The following CHFR variants were observed in gnomAD, a reference collection of about 807,000 sequenced individuals.
CHFR encodes E3 ubiquitin-protein ligase CHFR.
Under a neutral mutation model 87.6 loss-of-function variants are expected in CHFR, and 57 were observed. The ratio of observed to expected loss-of-function variants is 0.65; its 90% CI spans 0.53 to 0.81. The LOEUF is 0.81. Ranked by LOEUF, CHFR falls within the 30% of genes least tolerant of loss-of-function variation. CHFR has a pLI of 0.00. For missense variants in CHFR, 797 were observed against 865.8 expected (o/e 0.92, Z 1.00); for synonymous variants, 381 against 359.2 (o/e 1.06, Z -0.69).
At chr12:132,843,357 G>A (rs967957199) in intron 16 of CHFR, among the ~76,000 whole-genome samples, 1 of 151,658 alleles carries the variant, frequency 6.6e-6, no homozygotes, top group African/African-American at 2.4e-5. Context: ...ACCTGGGAGA[G>A]GGAAGTTGCA....
At chr12:132,842,654 C>T (rs1269620542) in intron 17 of CHFR, among the ~76,000 whole-genome samples, 1 of 152,238 alleles carries the variant, frequency 6.6e-6, no homozygotes, top group South Asian at 2.1e-4. Context: ...TCACAAATGC[C>T]TGCTCACGGG....
chr12:132,879,349 T>C (rs1394018953), intron 2 of CHFR, among the ~76,000 whole-genome samples: 2 of 151,538 alleles, frequency 1.3e-5, no homozygotes, highest in East Asian at 2.0e-4. Flanking sequence ...CAGGGATGCA[T>C]CTATAGCTGA....
chr12:132,859,123 T>A lies in CHFR; in HGVS notation c.856A>T (p.Met286Leu), dbSNP rs767348322. The change falls in exon 8 of 18, where the codon ATG becomes TTG. Residue 286 changes from methionine (M) to leucine (L), a missense_variant. By Grantham distance (15) the Met-to-Leu change is conservative. This residue lies in a region of CHFR where 597 missense variants were observed against 601.2 expected (regional missense o/e 0.99). Transcript: ENST00000450056. Reference protein sequence around the residue: ...VRAAAGKPDKMEETLTCIICQ... With the variant: ...VRAAAGKPDKLEETLTCIICQ... ...ATGATGCATGTCAGCGTCTCCTCCA[T>A]CTTGTCTGGCTTCCCAGCCGCTGCT... is the stretch of plus-strand genomic sequence containing the variant. 3.7e-6 allele frequency: 6 copies of A among 1,614,116 alleles called. No individual in the cohort carries two copies. The highest frequency in any genetic ancestry group is 5.1e-6 in the Non-Finnish European group (6 of 1,180,006).
Position 132,851,630 on chromosome 12 carries a change from C to A in CHFR, c.1480G>T (p.Ala494Ser). Residue 494 changes from alanine (A) to serine (S), a missense_variant, in exon 12 of 18, where the codon GCC becomes TCC. By Grantham distance (99) the Ala-to-Ser change is moderately conservative. Coordinates refer to ENST00000450056, the MANE Select transcript of CHFR (RefSeq NM_001161346.2). ...CGCGGGCACTCACACTGCTGAGGGG[C>A]GACACGCGGGTCCTGCTCGCGCTCC... ...RAEREQDPRVAPQQCAVCLQP... is the reference protein window; with the variant it reads ...RAEREQDPRVSPQQCAVCLQP... The A allele has an allele frequency of 6.2e-7, 1 of 1,611,156 alleles. No homozygotes were observed. Among genetic ancestry groups the A allele is most frequent in the Non-Finnish European group, 8.5e-7 (1 of 1,179,202 alleles).
chr12:132,844,588 AT>A (rs1240810257), intron 15 of CHFR, among the ~76,000 whole-genome samples: 1 of 151,086 alleles, frequency 6.6e-6, no homozygotes, highest in Non-Finnish European at 1.5e-5. Context: ...CCGGCCACCA[AT>A]TTATTTTCTT....
At chr12:132,848,403 G>T (rs932367268) in intron 13 of CHFR, 7 of 739,576 alleles carry the variant, frequency 9.5e-6, no homozygotes, top group South Asian at 1.7e-5. Flanking sequence ...GCAGAACCCC[G>T]CTGCAAGGAT....
chr12:132,859,037 T>C (rs1951152145), intron 8 of CHFR, 31 bp downstream of exon 8: 1 of 1,598,940 alleles, frequency 6.3e-7, no homozygotes, highest in Non-Finnish European at 8.5e-7. Flanking sequence ...CAGTGCCATG[T>C]TCCGTGAGCC....
chr12:132,835,581 G>C lies in CHFR; in HGVS notation c.*5973C>G, dbSNP rs1325326383. On this transcript the variant is annotated 3_prime_UTR_variant, in exon 18 of 18. Transcript: ENST00000450056. ...CAAACACGCATGAAGAGAAGATGAC[G>C]TGAGAACTCAAGGAGATGCTGCCCA... The C allele has an allele frequency of 1.7e-5, 3 of 175,782 alleles. No individual in the cohort carries two copies. Among genetic ancestry groups the C allele is most frequent in the Non-Finnish European group, 3.7e-5 (3 of 81,900 alleles). 10.9% of individuals were successfully genotyped at this position (175,782 alleles called of 1,614,324 possible). A position where few individuals can be genotyped will look rare whatever the true frequency, so the allele number is the denominator to read the frequency against.
intron 12 of CHFR, chr12:132,849,337 A>C (rs2136936427): frequency 1.3e-5 from 2 of 148,490 alleles, no homozygotes; most frequent in Middle Eastern, 3.5e-3. Context: ...TAAACTGAAC[A>C]TTTACAGGCG....
chr12:132,858,372 A>C (rs1951131757), intron 8 of CHFR, among the ~76,000 whole-genome samples: 1 of 151,566 alleles, frequency 6.6e-6, no homozygotes, highest in African/African-American at 2.4e-5. Flanking sequence ...AAAAACAAAA[A>C]CAAAAACAAA....
rs1176359734 is a variant in CHFR at position 132,851,754 on chromosome 12, T to C, written c.1373-17A>G. On this transcript the variant is annotated splice_polypyrimidine_tract_variant and intron_variant, in intron 11 of 17. Coordinates refer to ENST00000450056, the MANE Select transcript of CHFR (RefSeq NM_001161346.2). ...CCTGGACTGCTGAAGCACACGCACA[T>C]TCAGCCGGAGCACGTGGGACCCAGG... The C allele has an allele frequency of 1.2e-6, 2 of 1,604,444 alleles. No homozygotes were observed. Among genetic ancestry groups the C allele is most frequent in the Admixed American group, 3.4e-5 (2 of 59,574 alleles).
chr12:132,874,585 G>C (rs1186003574), intron 3 of CHFR, among the ~76,000 whole-genome samples: 1 of 135,240 alleles, frequency 7.4e-6, no homozygotes, highest in Non-Finnish European at 1.6e-5. Flanking sequence ...CACCCAGCGT[G>C]GGAAAGCCAG....
At chr12:132,858,725 T>TTA (rs1477608094) in intron 8 of CHFR, among the ~76,000 whole-genome samples, 168 of 26,812 alleles carry the variant, frequency 6.3e-3, no homozygotes, top group African/African-American at 0.03. Context: ...AGACTCCATC[T>TTA]AAAAAAAAAA....
intron 15 of CHFR, among the ~76,000 whole-genome samples, chr12:132,844,460 A>AC (rs544721895): frequency 8.6e-6 from 1 of 116,796 alleles, no homozygotes; most frequent in Non-Finnish European, 2.2e-5. Flanking sequence ...AATTTTTTGT[A>AC]TTTTTAGTAG....
chr12:132,865,590 C>A (rs1951315262), intron 6 of CHFR, among the ~76,000 whole-genome samples: 1 of 149,816 alleles, frequency 6.7e-6, no homozygotes, highest in Non-Finnish European at 1.5e-5. Flanking sequence ...CCAGGTAGGT[C>A]TCAAGCTCCT....
intron 8 of CHFR, 62 bp downstream of exon 8, chr12:132,859,006 C>G: frequency 6.6e-7 from 1 of 1,525,680 alleles, no homozygotes; most frequent in Non-Finnish European, 8.9e-7. Flanking sequence ...CAGCCCTGCC[C>G]CACACGGGAC....
chr12:132,869,887 T>A, intron 5 of CHFR, 89 bp from the exon 6 acceptor site: 1 of 1,438,084 alleles, frequency 7.0e-7, no homozygotes, highest in Non-Finnish European at 9.5e-7. Flanking sequence ...AAGCAGACAC[T>A]CTAGGGATTG....
chr12:132,881,869 A>G, intron 2 of CHFR, among the ~76,000 whole-genome samples: 2 of 852 alleles, frequency 2.3e-3, no homozygotes, highest in African/African-American at 2.7e-3. Flanking sequence ...CGCTGTCTCA[A>G]AAAAAAAAAA....
At chr12:132,882,495 A>G (rs1414226209) in intron 2 of CHFR, among the ~76,000 whole-genome samples, 1 of 152,192 alleles carries the variant, frequency 6.6e-6, no homozygotes, top group Non-Finnish European at 1.5e-5. Context: ...TGATACTGCC[A>G]TGAAACCGGA....
Sources: allele counts gnomAD v4.1 joint callset (sites outside exome capture counted in the v4.1 genomes callset), GRCh38; gene constraint gnomAD v4.1.1; regional missense constraint gnomAD v4.1.1; transcripts MANE v1.5; gene names NCBI Gene and HGNC (gene_info 2026-07-23, HGNC 2026-07-21).